ESR1: variants seen among roughly 807,000 people sequenced by gnomAD.
The protein encoded by ESR1 is estrogen receptor 1.
A neutral mutation model predicts 52.7 loss-of-function variants in ESR1; 12 were observed. That is an observed-to-expected ratio of 0.23 (90% CI 0.15 to 0.37). ESR1 has a LOEUF of 0.37. Among genes scored for constraint, ESR1 ranks in the 10% least tolerant of loss-of-function variants. The probability of loss-of-function intolerance (pLI) is 1.00; values close to 1 mark genes in which losing one functional copy is unlikely to be tolerated. For synonymous variants in ESR1, 305 were observed against 316.8 expected, an observed-to-expected ratio of 0.96 and a Z score of 0.39; for missense variants, 584 against 779.7, an observed-to-expected ratio of 0.75 and a Z score of 2.99.
intron 4 of ESR1, among the ~76,000 whole-genome samples, chr6:151,969,538 G>C (rs2038678058): frequency 6.6e-6 from 1 of 152,202 alleles, no homozygotes; most frequent in Non-Finnish European, 1.5e-5. Flanking sequence ...TAGACAGTGG[G>C]CCAGCAGCAG....
chr6:152,002,568 A>T (rs2042040253), intron 4 of ESR1, among the ~76,000 whole-genome samples: 1 of 152,046 alleles, frequency 6.6e-6, no homozygotes, highest in Admixed American at 6.6e-5. Flanking sequence ...GAATCACTCC[A>T]CAGTAGCTGT....
At chr6:151,782,539 TC>T (rs1786648290) in intron 2 of ESR1, among the ~76,000 whole-genome samples, 1 of 152,214 alleles carries the variant, frequency 6.6e-6, no homozygotes, top group Non-Finnish European at 1.5e-5. Context: ...TTAGATTAAT[TC>T]CTCAAGATAA....
At chr6:151,760,254 C>G (rs149189687) in intron 2 of ESR1, among the ~76,000 whole-genome samples, 44 of 152,278 alleles carry the variant, frequency 2.9e-4, no homozygotes, top group East Asian at 1.4e-3. Flanking sequence ...CAGTCGTGTT[C>G]CACACTGGGT....
chr6:152,069,545 AG>A (rs1185637592), intron 6 of ESR1, among the ~76,000 whole-genome samples: 4 of 136,458 alleles, frequency 2.9e-5, no homozygotes. Flanking sequence ...ACCAGGGACC[AG>A]CTTCATGAAA....
chr6:151,722,351 T>C (rs115283363), intron 2 of ESR1, among the ~76,000 whole-genome samples: 177 of 152,254 alleles, frequency 1.2e-3, no homozygotes, highest in African/African-American at 4.2e-3. Context: ...AAAGCAAGGA[T>C]TTCATTGAGA....
chr6:151,916,968 C>T, intron 3 of ESR1, among the ~76,000 whole-genome samples: 1 of 152,134 alleles, frequency 6.6e-6, no homozygotes, highest in Non-Finnish European at 1.5e-5. Context: ...CTCCAGCGAG[C>T]ATGAACTTGT....
chr6:152,082,052 A>G (rs2049270402), intron 6 of ESR1, among the ~76,000 whole-genome samples: 1 of 152,220 alleles, frequency 6.6e-6, no homozygotes, highest in South Asian at 2.1e-4. Context: ...AGCTGGTACC[A>G]TTCCTTCAGA....
At chr6:151,929,748 A>G (rs180786499) in intron 3 of ESR1, among the ~76,000 whole-genome samples, 2 of 152,158 alleles carry the variant, frequency 1.3e-5, no homozygotes, top group Non-Finnish European at 2.9e-5. Flanking sequence ...GGCTTTTTGT[A>G]GACAACATAT....
intron 1 of ESR1, among the ~76,000 whole-genome samples, chr6:151,820,306 GAATTAATAA>G (rs560390530): frequency 1.3e-5 from 2 of 152,258 alleles, no homozygotes; most frequent in African/African-American, 4.8e-5. Flanking sequence ...GCTGAATATT[GAATTAATAA>G]AATAAGGGTA....
At chr6:151,693,288 T>C (rs1241288546) in intron 1 of ESR1, among the ~76,000 whole-genome samples, 1 of 152,206 alleles carries the variant, frequency 6.6e-6, no homozygotes, top group Non-Finnish European at 1.5e-5. Context: ...CCAAAGCTGC[T>C]AGGAATTTAT....
intron 5 of ESR1, among the ~76,000 whole-genome samples, chr6:152,017,373 T>C (rs1267046954): frequency 6.6e-6 from 1 of 152,104 alleles, no homozygotes; most frequent in African/African-American, 2.4e-5. Flanking sequence ...CAGCAGTGAG[T>C]TCCAAACACT....
intron 4 of ESR1, among the ~76,000 whole-genome samples, chr6:151,961,199 G>A (rs1274159345): frequency 6.6e-6 from 1 of 152,112 alleles, no homozygotes; most frequent in Non-Finnish European, 1.5e-5. Context: ...GTGTAAAAAG[G>A]AAAGGGAAGG....
chr6:151,679,770 C>T (rs1778385907), intron 1 of ESR1, among the ~76,000 whole-genome samples: 1 of 152,186 alleles, frequency 6.6e-6, no homozygotes, highest in South Asian at 2.1e-4. Flanking sequence ...CTTTTTGTGA[C>T]TGCAGCTGTG....
chr6:151,718,279 C>A (rs999045375), intron 2 of ESR1, among the ~76,000 whole-genome samples: 1 of 152,186 alleles, frequency 6.6e-6, no homozygotes, highest in African/African-American at 2.4e-5. Flanking sequence ...CTGGAAGGTT[C>A]TCTCTGGACA....
intron 4 of ESR1, among the ~76,000 whole-genome samples, chr6:151,985,514 A>AC (rs2040383381): frequency 7.3e-6 from 1 of 137,734 alleles, no homozygotes; most frequent in East Asian, 2.2e-4. Context: ...TCTCAAAAAA[A>AC]AAAAAAAAAA....
chr6:151,708,887 C>T (rs1348368522), intron 2 of ESR1, among the ~76,000 whole-genome samples: 6 of 151,856 alleles, frequency 4.0e-5, no homozygotes, highest in Admixed American at 3.9e-4. Context: ...ATATCAATAT[C>T]GAGATATATA....
intron 6 of ESR1, among the ~76,000 whole-genome samples, chr6:152,111,071 T>A (rs775766246): frequency 6.6e-6 from 1 of 152,114 alleles, no homozygotes; most frequent in Non-Finnish European, 1.5e-5. Flanking sequence ...GCACCCTCAC[T>A]AGCAGCAGGG....
At chr6:151,683,494 C>T (rs115556102) in intron 1 of ESR1, among the ~76,000 whole-genome samples, 1,605 of 151,788 alleles carry the variant, frequency 0.011, 33 homozygotes, top group African/African-American at 0.036. Flanking sequence ...TTCACCAGGC[C>T]CTGTGTGAAC....
At chr6:151,837,884 A>G (rs1783628066) in intron 1 of ESR1, among the ~76,000 whole-genome samples, 1 of 152,250 alleles carries the variant, frequency 6.6e-6, no homozygotes, top group South Asian at 2.1e-4. Context: ...ACTTATAATA[A>G]AGGGATAGGG....
Sources: gnomAD v4.1 joint callset for allele counts (sites outside exome capture counted in the v4.1 genomes callset) on GRCh38, gnomAD v4.1.1 for gene constraint, MANE v1.5 for transcripts, NCBI Gene and HGNC (gene_info 2026-07-23, HGNC 2026-07-21) for gene names.